MACF1: variants seen among roughly 807,000 people sequenced by gnomAD.
MACF1 encodes the protein microtubule actin crosslinking factor 1.
A neutral mutation model predicts 854.8 loss-of-function variants in MACF1; 193 were observed. That is an observed-to-expected ratio of 0.23 (90% CI 0.20 to 0.25). The LOEUF (loss-of-function observed/expected upper bound fraction) is 0.25, where lower values mean the gene tolerates loss of function less well. MACF1 is among the 10% of genes least tolerant of loss of function. MACF1 has a pLI of 1.00. For synonymous variants in MACF1, 3,185 were observed against 3,226.7 expected (o/e 0.99, Z 0.44); for missense variants, 7,722 against 8,929.1 (o/e 0.86, Z 5.45).
chr1:39,237,067 A>G (rs185283818), intron 2 of MACF1, among the ~76,000 whole-genome samples: 1 of 152,312 alleles, frequency 6.6e-6, no homozygotes, highest in African/African-American at 2.4e-5. Context: ...CCACCTGTCT[A>G]GCTTCATTTC....
chr1:39,231,283 A>C, intron 2 of MACF1, 40 bp downstream of exon 2: 2 of 1,549,336 alleles, frequency 1.3e-6, no homozygotes, highest in Non-Finnish European at 1.8e-6. Context: ...AGCACCTCTC[A>C]CTGCTCTCAT....
Position 39,442,845 on chromosome 1 carries a change from A to G in MACF1, c.19236A>G (p.Gln6412=), listed in dbSNP as rs1278363333. The change falls in exon 78 of 101, where the codon CAA becomes CAG. Residue 6412 remains glutamine (Q), a synonymous_variant. Transcript: ENST00000564288. ...SLRSRLEAMN[Q]CWESVLQKTE... ...GGAGCCGTTTGGAAGCCATGAACCA[A>G]TGCTGGGAGTCAGTGTTACAGAAAA... 1.9e-6 allele frequency: 3 copies of G among 1,614,090 alleles called. No homozygotes were observed. The highest frequency in any genetic ancestry group is 2.2e-5 in the South Asian group (2 of 91,072).
At position 39,485,680 on chromosome 1, in the gene MACF1, C is replaced by T. The variant is rs1209419630; in HGVS notation, c.22554C>T (p.Ser7518=). 34 of 1,613,960 alleles carry T rather than the reference C, an allele frequency of 2.1e-5. No homozygotes were observed. In the East Asian group the frequency reaches 4.5e-4, roughly 21 times the overall value. ...QSACSDTSES[S]AAGGQGNSRR... ...CTTGTTCCGACACTTCAGAAAGCAG[C>T]GCTGCAGGGGGCCAAGGCAACTCCA... Residue 7518 remains serine (S), a synonymous_variant, in exon 101 of 101, where the codon AGC becomes AGT. Transcript: ENST00000564288.
At chr1:39,476,012 C>T (rs1157135542) in intron 97 of MACF1, among the ~76,000 whole-genome samples, 1 of 152,150 alleles carries the variant, frequency 6.6e-6, no homozygotes, top group Non-Finnish European at 1.5e-5. Context: ...GTGTAGTAAC[C>T]CTCCACATGC....
At chr1:39,102,692 T>C in intron 2 of MACF1, 1 of 692,986 alleles carries the variant, frequency 1.4e-6, no homozygotes. Context: ...ATTACTCTTC[T>C]CTTCCACTAG....
Position 39,231,941 on chromosome 1 carries a change from T to C in MACF1, c.171+698T>C, listed in dbSNP as rs901032633. On this transcript the variant is annotated intron_variant, in intron 2 of 100. Coordinates refer to ENST00000564288, the MANE Select transcript of MACF1 (RefSeq NM_001394062.1). Reference sequence around the variant, plus strand: ...CATGAATCTTAAATGTTTAACTTGATGAATTTTTACATGAATTTTACCACC... The same window carrying C: ...CATGAATCTTAAATGTTTAACTTGACGAATTTTTACATGAATTTTACCACC... Among the ~76,000 whole-genome samples the C allele has an allele frequency of 3.3e-5, 5 of 151,798 alleles. 1 individual carries two copies. The highest frequency in any genetic ancestry group is 1.2e-4 in the African/African-American group (5 of 41,516).
intron 33 of MACF1, among the ~76,000 whole-genome samples, chr1:39,323,946 A>G (rs1356316416): frequency 1.3e-5 from 2 of 152,188 alleles, no homozygotes; most frequent in East Asian, 3.8e-4. Context: ...TTGAGTGCCT[A>G]TTATATATAA....
chr1:39,466,888 G>A (rs1335271780), intron 95 of MACF1, among the ~76,000 whole-genome samples: 1 of 152,166 alleles, frequency 6.6e-6, no homozygotes, highest in Non-Finnish European at 1.5e-5. Context: ...TGGGAGGGAG[G>A]ATACAGTATT....
At chr1:39,205,580 G>A (rs1644440551) in intron 1 of MACF1, among the ~76,000 whole-genome samples, 2 of 152,032 alleles carry the variant, frequency 1.3e-5, no homozygotes, top group African/African-American at 4.8e-5. Context: ...GGTGTGTTTT[G>A]GGGTGAGAAA....
chr1:39,229,983 T>C (rs917778364), intron 1 of MACF1, among the ~76,000 whole-genome samples: 6 of 152,168 alleles, frequency 3.9e-5, no homozygotes, highest in African/African-American at 1.4e-4. Context: ...GCTCAAGTGA[T>C]CCACCGGCCT....
At position 39,258,019 on chromosome 1, in the gene MACF1, G is replaced by A; in HGVS notation, c.519G>A (p.Leu173=). The A allele has an allele frequency of 6.2e-7, 1 of 1,613,842 alleles. No homozygotes were observed. Among genetic ancestry groups the A allele is most frequent in the Non-Finnish European group, 8.5e-7 (1 of 1,179,826 alleles). The part of the protein sequence containing the change: ...LTLGLIWTII[L]HFQISDIYIS... Reference sequence around the variant, plus strand: ...TGGGTCTGATCTGGACCATTATTTTGCATTTCCAGGTAGGGCATGTGAAGT... The same window carrying A: ...TGGGTCTGATCTGGACCATTATTTTACATTTCCAGGTAGGGCATGTGAAGT... Residue 173 remains leucine, a synonymous_variant, in exon 6 of 101, where the codon TTG becomes TTA. Transcript: ENST00000564288.
intron 89 of MACF1, chr1:39,457,306 A>G (rs1644460776): frequency 6.6e-6 from 1 of 151,670 alleles, no homozygotes; most frequent in African/African-American, 2.4e-5. Flanking sequence ...CCTCACATCT[A>G]GCCACTCACC....
chr1:39,355,646 A>G lies in MACF1; in HGVS notation c.11425-1729A>G, dbSNP rs1647488596. ...ACACCCAGCTAATTTTTGTATTCTTAGTAGAGACGGGGTTTCACCATGTTG... is the reference window on the plus strand; with the variant it reads ...ACACCCAGCTAATTTTTGTATTCTTGGTAGAGACGGGGTTTCACCATGTTG... On this transcript the variant is annotated intron_variant, in intron 44 of 100. Coordinates refer to ENST00000564288, the MANE Select transcript of MACF1 (RefSeq NM_001394062.1). Among the ~76,000 whole-genome samples, 3 of 151,742 alleles carry G rather than the reference A, an allele frequency of 2.0e-5. No individual in the cohort carries two copies. In the South Asian group the frequency reaches 6.3e-4, roughly 32 times the overall value.
Position 39,482,411 on chromosome 1 carries a change from C to T in MACF1, c.22281+1381C>T, listed in dbSNP as rs181734778. ...TGCTTTTCTCTTCTGTTTGCATAAA[C>T]GTCTTAAAGGTCCTGGAAAACAATT... On this transcript the variant is annotated intron_variant, in intron 99 of 100. Coordinates refer to ENST00000564288, the MANE Select transcript of MACF1 (RefSeq NM_001394062.1). 4.0e-4 allele frequency among the ~76,000 whole-genome samples: 61 copies of T among 152,230 alleles called. 1 individual carries two copies. The highest frequency in any genetic ancestry group is 1.3e-3 in the African/African-American group (53 of 41,542).
chr1:39,267,157 A>C (rs1485528167), intron 6 of MACF1, among the ~76,000 whole-genome samples: 1 of 152,262 alleles, frequency 6.6e-6, no homozygotes, highest in African/African-American at 2.4e-5. Flanking sequence ...TAAAGTTAAC[A>C]GAAGTTCATG....
rs1456713331 is a variant in MACF1 at position 39,335,864 on chromosome 1, A to C, written c.9276A>C (p.Glu3092Asp). 1 of 1,613,986 alleles carries C rather than the reference A, an allele frequency of 6.2e-7. No individual in the cohort carries two copies. Among genetic ancestry groups the C allele is most frequent in the Admixed American group, 1.7e-5 (1 of 59,990 alleles). Residue 3092 changes from glutamate (E) to aspartate (D), a missense_variant, in exon 37 of 101, where the codon GAA becomes GAC. By Grantham distance (45) the Glu-to-Asp change is conservative (BLOSUM62 2). Coordinates refer to ENST00000564288, the MANE Select transcript of MACF1 (RefSeq NM_001394062.1). ...AACCAGAAGAAAACTTATCTCGAGAAATTGCCTGTGGGGCCCAGAGTGAAC... is the reference window on the plus strand; with the variant it reads ...AACCAGAAGAAAACTTATCTCGAGACATTGCCTGTGGGGCCCAGAGTGAAC... The part of the protein sequence containing the change: ...TLKPEENLSR[E>D]IACGAQSEPF...
At chr1:39,431,103 C>A (rs1269175995) in intron 66 of MACF1, among the ~76,000 whole-genome samples, 195 bp downstream of exon 66, 1 of 152,150 alleles carries the variant, frequency 6.6e-6, no homozygotes, top group Non-Finnish European at 1.5e-5. Flanking sequence ...GACCAAAATA[C>A]TTGACCCCTT....
chr1:39,352,523 T>C (rs1453788227), intron 43 of MACF1, among the ~76,000 whole-genome samples: 1 of 152,106 alleles, frequency 6.6e-6, no homozygotes, highest in African/African-American at 2.4e-5. Flanking sequence ...AATCCTAGGA[T>C]TTGTTTTGTT....
At chr1:39,401,074 A>G (rs1166081410) in intron 58 of MACF1, among the ~76,000 whole-genome samples, 2 of 152,216 alleles carry the variant, frequency 1.3e-5, no homozygotes, top group Admixed American at 1.3e-4. Context: ...TCATGATTCA[A>G]CACAGCTTAA....
Sources: gnomAD v4.1 joint callset for allele counts (sites outside exome capture counted in the v4.1 genomes callset) on GRCh38, gnomAD v4.1.1 for gene constraint, MANE v1.5 for transcripts, NCBI Gene and HGNC (gene_info 2026-07-23, HGNC 2026-07-21) for gene names.